Variants in SNX4 observed in about 807,000 individuals in gnomAD.
SNX4 encodes the protein sorting nexin 4.
In SNX4, 49 loss-of-function variants were observed where a neutral mutation model predicts 70.8. The observed-to-expected ratio is 0.69, with a 90% CI of 0.55 to 0.88. SNX4 has a LOEUF of 0.88. Among genes scored for constraint, SNX4 ranks in the 40% least tolerant of loss-of-function variants. The probability of loss-of-function intolerance (pLI) is 0.00; values close to 1 mark genes in which losing one functional copy is unlikely to be tolerated. For synonymous variants in SNX4, 206 were observed against 183.8 expected (o/e 1.12, Z -0.98); for missense variants, 528 against 544.8 (o/e 0.97, Z 0.31).
At position 125,483,295 on chromosome 3, in the gene SNX4, C is replaced by T. The variant is rs569007786; in HGVS notation, c.654-2976G>A. Among the ~76,000 whole-genome samples, 409 of 152,084 alleles carry T rather than the reference C, an allele frequency of 2.7e-3. 3 individuals carry two copies. In the Middle Eastern group the frequency reaches 0.044, roughly 16 times the overall value. On this transcript the variant is annotated intron_variant, in intron 6 of 13. Coordinates refer to ENST00000251775, the MANE Select transcript of SNX4 (RefSeq NM_003794.4). ...GAACTTAAGTTTCAAGAGGCTAATA[C>T]TTTGTTAAACTCTGATCAGATCTTC...
intron 11 of SNX4, among the ~76,000 whole-genome samples, chr3:125,454,730 A>G (rs886539829): frequency 3.9e-5 from 6 of 152,214 alleles, no homozygotes; most frequent in African/African-American, 9.7e-5. Flanking sequence ...TATGTTATAT[A>G]TATTTCACTA....
At position 125,520,157 on chromosome 3, in the gene SNX4, G is replaced by A; in HGVS notation, c.16C>T (p.Pro6Ser). MEQAP[P>S]DPERQLQPAP... ...GGCTGGAGCTGCCGCTCGGGGTCCG[G>A]AGGTGCCTGCTCCATGGCTGCAGTT... Residue 6 changes from proline to serine, a missense_variant, in exon 1 of 14, where the codon CCG becomes TCG. Pro to Ser is a moderately conservative substitution (Grantham distance 74). Coordinates refer to ENST00000251775, the MANE Select transcript of SNX4 (RefSeq NM_003794.4). The A allele has an allele frequency of 2.1e-6, 3 of 1,425,520 alleles. No individual in the cohort carries two copies. The highest frequency in any genetic ancestry group is 2.7e-6 in the Non-Finnish European group (3 of 1,096,578). The allele number at this position is 1,425,520 out of a possible 1,614,324, so 88.3% of individuals were successfully genotyped here. A position where few individuals can be genotyped will look rare whatever the true frequency, so the allele number is the denominator to read the frequency against.
In SNX4 at chr3:125,506,817, TAAAAAAAAAAAAAAAAAAAAAAAAA is replaced by T. The variant is rs71148182; in HGVS notation, c.142-2098_142-2074del. Among the ~76,000 whole-genome samples the T allele has an allele frequency of 1.2e-3, 33 of 26,836 alleles. 2 individuals are homozygous for T. The South Asian group carries it at 0.015, about 12-fold the overall frequency. 17.6% of individuals were successfully genotyped at this position (26,836 alleles called of 152,430 possible). The stretch of plus-strand genomic sequence containing the variant: ...AACTTAAAGAAAGATGTGGAGAAAG[TAAAAAAAAAAAAAAAAAAAAAAAAA>T]AAAAAAAAAAAAAGATGTATGAACA... On this transcript the variant is annotated intron_variant, in intron 1 of 13. Transcript: ENST00000251775.
At chr3:125,510,642 TATG>T (rs1457949007) in intron 1 of SNX4, among the ~76,000 whole-genome samples, 1 of 152,192 alleles carries the variant, frequency 6.6e-6, no homozygotes, top group African/African-American at 2.4e-5. Flanking sequence ...TTAAAGACAT[TATG>T]ATAAGTGAAA....
intron 11 of SNX4, among the ~76,000 whole-genome samples, chr3:125,455,329 T>C (rs1208600147): frequency 6.6e-6 from 1 of 152,148 alleles, no homozygotes; most frequent in Non-Finnish European, 1.5e-5. Flanking sequence ...CTTTATGTTA[T>C]AAAAAAAGTC....
chr3:125,519,744 T>C (rs532621547), intron 1 of SNX4, among the ~76,000 whole-genome samples: 1 of 151,510 alleles, frequency 6.6e-6, no homozygotes, highest in Non-Finnish European at 1.5e-5. Context: ...CCCCCACGCC[T>C]GCGGGGGCGC....
intron 7 of SNX4, 67 bp from the exon 8 acceptor site, chr3:125,476,823 CA>C: frequency 1.3e-6 from 1 of 798,232 alleles, no homozygotes; most frequent in Non-Finnish European, 2.1e-6. Flanking sequence ...AAAATAGACC[CA>C]AAAAACAAAA....
intron 1 of SNX4, among the ~76,000 whole-genome samples, chr3:125,515,331 G>A (rs1385831323): frequency 2.0e-5 from 3 of 147,086 alleles, no homozygotes; most frequent in African/African-American, 5.2e-5. Context: ...CAATCTGGGC[G>A]ACAGAGGGAG....
chr3:125,500,153 C>A (rs1280344852), intron 2 of SNX4, among the ~76,000 whole-genome samples: 1 of 151,948 alleles, frequency 6.6e-6, no homozygotes, highest in Non-Finnish European at 1.5e-5. Context: ...AGAAGACTTT[C>A]ATTAGACCCC....
In SNX4 at chr3:125,460,872, A is replaced by G; in HGVS notation, c.855-12T>C. 7.8e-7 allele frequency: 1 copy of G among 1,280,550 alleles called. No individual in the cohort carries two copies. The highest frequency in any genetic ancestry group is 1.1e-6 in the Non-Finnish European group (1 of 925,562). 79.3% of individuals were successfully genotyped at this position (1,280,550 alleles called of 1,614,324 possible). On this transcript the variant is annotated splice_polypyrimidine_tract_variant and intron_variant, in intron 9 of 13. Coordinates refer to ENST00000251775, the MANE Select transcript of SNX4 (RefSeq NM_003794.4). Reference sequence around the variant, plus strand: ...TAGAAGATGCATACCTGTTTTAAAAAAAAAAACACACATTGCATAGAGTTA... The same window carrying G: ...TAGAAGATGCATACCTGTTTTAAAAGAAAAAACACACATTGCATAGAGTTA...
chr3:125,479,441 G>A (rs1035933524), intron 7 of SNX4, among the ~76,000 whole-genome samples: 9 of 152,200 alleles, frequency 5.9e-5, no homozygotes, highest in Non-Finnish European at 5.9e-5. Flanking sequence ...TGTAATCCCA[G>A]CTACTCAGGA....
At chr3:125,478,780 G>A (rs1184467555) in intron 7 of SNX4, among the ~76,000 whole-genome samples, 1 of 151,760 alleles carries the variant, frequency 6.6e-6, no homozygotes, top group African/African-American at 2.4e-5. Context: ...GTGAGGGTAC[G>A]ATGCAGACTC....
intron 7 of SNX4, among the ~76,000 whole-genome samples, chr3:125,478,682 G>A (rs1934340250): frequency 6.6e-6 from 1 of 151,654 alleles, no homozygotes; most frequent in Admixed American, 6.6e-5. Flanking sequence ...TAAAAGCTGA[G>A]CATTCATCCT....
intron 10 of SNX4, among the ~76,000 whole-genome samples, chr3:125,458,772 GC>G (rs1473139957): frequency 8.1e-6 from 1 of 122,862 alleles, no homozygotes; most frequent in African/African-American, 3.0e-5. Flanking sequence ...CCGAGATCAC[GC>G]CACTGCACTC....
intron 6 of SNX4, among the ~76,000 whole-genome samples, chr3:125,481,703 T>G (rs1008309453): frequency 9.9e-5 from 15 of 152,044 alleles, no homozygotes; most frequent in South Asian, 6.2e-4. Context: ...CCTCCCAAAG[T>G]GCTGGGATTA....
At chr3:125,460,124 G>A (rs551586756) in intron 10 of SNX4, among the ~76,000 whole-genome samples, 3 of 150,828 alleles carry the variant, frequency 2.0e-5, no homozygotes, top group African/African-American at 4.9e-5. Flanking sequence ...AACCCGGGAC[G>A]TGGAGGTTGC....
chr3:125,480,887 G>A (rs926581047), intron 6 of SNX4, among the ~76,000 whole-genome samples: 1 of 151,990 alleles, frequency 6.6e-6, no homozygotes, highest in Non-Finnish European at 1.5e-5. Context: ...CTCCCACTAG[G>A]ATTTCTTCCC....
intron 8 of SNX4, among the ~76,000 whole-genome samples, chr3:125,474,680 C>A (rs979720064): frequency 6.6e-6 from 1 of 152,054 alleles, no homozygotes; most frequent in Non-Finnish European, 1.5e-5. Flanking sequence ...AAAAAACAAA[C>A]CTGTACAATA....
At chr3:125,490,740 C>A (rs568128978) in intron 5 of SNX4, among the ~76,000 whole-genome samples, 37 of 151,232 alleles carry the variant, frequency 2.4e-4, no homozygotes, top group African/African-American at 8.3e-4. Flanking sequence ...AAAATGTATA[C>A]GTAACACATC....
Sources: allele counts gnomAD v4.1 joint callset (sites outside exome capture counted in the v4.1 genomes callset), GRCh38; gene constraint gnomAD v4.1.1; transcripts MANE v1.5; gene names NCBI Gene and HGNC (gene_info 2026-07-23, HGNC 2026-07-21).